Variants in PLEKHA5 observed in about 807,000 individuals in gnomAD.
PLEKHA5 encodes pleckstrin homology domain-containing family A member 5.
A neutral mutation model predicts 181.9 loss-of-function variants in PLEKHA5; 55 were observed. That is an observed-to-expected ratio of 0.30 (90% confidence interval 0.24 to 0.38). The LOEUF is 0.38. Among genes scored for constraint, PLEKHA5 ranks in the 10% least tolerant of loss-of-function variants. The pLI is 1.00. For missense variants in PLEKHA5, 1,432 were observed against 1,549.5 expected (o/e 0.92, Z 1.27); for synonymous variants, 535 against 529.4 (o/e 1.01, Z -0.15).
chr12:19,196,812 C>CTTT (rs3056387), intron 3 of PLEKHA5, among the ~76,000 whole-genome samples: 4 of 122,598 alleles, frequency 3.3e-5, no homozygotes, highest in African/African-American at 1.2e-4. Context: ...TTTTTTTTTT[C>CTTT]TTTTTTTTTT....
intron 8 of PLEKHA5, among the ~76,000 whole-genome samples, 168 bp from the exon 9 acceptor site, chr12:19,269,602 A>G (rs1167359093): frequency 2.6e-5 from 4 of 151,998 alleles, no homozygotes; most frequent in Non-Finnish European, 5.9e-5. Flanking sequence ...TTTCAAGTTA[A>G]TAGTTATATT....
In PLEKHA5 at chr12:19,286,123, G is replaced by A. The variant is rs533926414; in HGVS notation, c.1780-1350G>A. Among the ~76,000 whole-genome samples the A allele has an allele frequency of 3.9e-5, 6 of 152,292 alleles. No homozygotes were observed. The South Asian group carries it at 1.2e-3, about 32-fold the overall frequency. ...TGTATCTGCCACCCTGAACTTGACAGCTTTCCGGTGCTTAAAGATTGGCGG... is the reference window on the plus strand; with the variant it reads ...TGTATCTGCCACCCTGAACTTGACAACTTTCCGGTGCTTAAAGATTGGCGG... On this transcript the variant is annotated intron_variant, in intron 12 of 31. Coordinates refer to ENST00000429027, the MANE Select transcript of PLEKHA5 (RefSeq NM_001256470.2).
chr12:19,364,712 C>T (rs1033160436), intron 29 of PLEKHA5, among the ~76,000 whole-genome samples: 5 of 151,380 alleles, frequency 3.3e-5, no homozygotes, highest in Non-Finnish European at 5.9e-5. Context: ...CCCAGGCTGG[C>T]GTGCAGTGGC....
chr12:19,200,503 G>C, intron 3 of PLEKHA5: 1 of 1,357,184 alleles, frequency 7.4e-7, no homozygotes, highest in Non-Finnish European at 9.5e-7. Context: ...CATAACAAAT[G>C]TTCCAAATCT....
At chr12:19,291,007 C>CCTT (rs1228714462) in intron 14 of PLEKHA5, among the ~76,000 whole-genome samples, 10 of 150,726 alleles carry the variant, frequency 6.6e-5, no homozygotes, top group Non-Finnish European at 1.2e-4. Context: ...TTCTTCTTAG[C>CCTT]CTTCTACCCC....
chr12:19,358,050 A>C (rs567329789), intron 26 of PLEKHA5, among the ~76,000 whole-genome samples, 178 bp from the exon 27 acceptor site: 1 of 152,232 alleles, frequency 6.6e-6, no homozygotes, highest in Non-Finnish European at 1.5e-5. Context: ...ACCAATTACT[A>C]GTTAAGGATC....
chr12:19,330,650 C>T (rs1450555877), intron 20 of PLEKHA5, among the ~76,000 whole-genome samples: 1 of 152,018 alleles, frequency 6.6e-6, no homozygotes, highest in Non-Finnish European at 1.5e-5. Context: ...TCTCTACATC[C>T]TGAAGGTAAA....
chr12:19,235,667 G>A (rs976700705), intron 3 of PLEKHA5, among the ~76,000 whole-genome samples: 4 of 152,124 alleles, frequency 2.6e-5, no homozygotes, highest in African/African-American at 9.7e-5. Context: ...AAGGAGCTGG[G>A]CTTGAACTGG....
chr12:19,311,073 C>T lies in PLEKHA5; in HGVS notation c.2038-3741C>T, dbSNP rs191464964. On this transcript the variant is annotated intron_variant, in intron 15 of 31. Transcript: ENST00000429027. ...TTACATCAATTGACTCTTCTTTTCA[C>T]GAAAACATTTCTCTGTAGCATGCAG... is the stretch of plus-strand genomic sequence containing the variant. 3.5e-4 allele frequency among the ~76,000 whole-genome samples: 53 copies of T among 152,024 alleles called. No individual in the cohort carries two copies. The South Asian group carries it at 7.1e-3, about 20-fold the overall frequency.
intron 28 of PLEKHA5, among the ~76,000 whole-genome samples, 199 bp from the exon 29 acceptor site, chr12:19,361,383 C>A (rs11044516): frequency 6.6e-6 from 1 of 152,026 alleles, no homozygotes; most frequent in Non-Finnish European, 1.5e-5. Context: ...CAGTGTTTCA[C>A]CGTGTTAGCC....
At chr12:19,302,906 ATTTTTTTTT>A (rs34702332) in intron 15 of PLEKHA5, among the ~76,000 whole-genome samples, 4 of 53,994 alleles carry the variant, frequency 7.4e-5, no homozygotes, top group East Asian at 7.8e-4. Context: ...TCTGTATGAA[ATTTTTTTTT>A]TTTTTTTTTT....
intron 3 of PLEKHA5, among the ~76,000 whole-genome samples, chr12:19,134,351 T>C (rs1342050686): frequency 1.3e-5 from 2 of 152,092 alleles, no homozygotes; most frequent in Non-Finnish European, 2.9e-5. Flanking sequence ...TTTTTAAACT[T>C]GTAGGTTTTA....
chr12:19,329,988 G>C (rs1320720043), intron 20 of PLEKHA5, among the ~76,000 whole-genome samples: 1 of 151,928 alleles, frequency 6.6e-6, no homozygotes, highest in Non-Finnish European at 1.5e-5. Flanking sequence ...TACTCAGGAG[G>C]CTGAGGCAGC....
At chr12:19,347,547 A>G (rs1437918487) in intron 24 of PLEKHA5, among the ~76,000 whole-genome samples, 1 of 152,156 alleles carries the variant, frequency 6.6e-6, no homozygotes, top group African/African-American at 2.4e-5. Context: ...GACCGTTACT[A>G]GGGATGGTAA....
chr12:19,240,608 G>A (rs937191855), intron 3 of PLEKHA5, among the ~76,000 whole-genome samples: 1 of 149,788 alleles, frequency 6.7e-6, no homozygotes, highest in Non-Finnish European at 1.5e-5. Context: ...ACCTGGCTAA[G>A]TTTTAATATT....
At position 19,374,966 on chromosome 12, in the gene PLEKHA5, T is replaced by C. The variant is rs147538217; in HGVS notation, c.*12-565T>C. ...CAAGACTCCGTCTCCAAAATGATGATAATAATAATAATAATGAAGAGAAGG... is the reference window on the plus strand; with the variant it reads ...CAAGACTCCGTCTCCAAAATGATGACAATAATAATAATAATGAAGAGAAGG... On this transcript the variant is annotated intron_variant, in intron 31 of 31. Coordinates refer to ENST00000429027, the MANE Select transcript of PLEKHA5 (RefSeq NM_001256470.2). 6.4e-3 allele frequency among the ~76,000 whole-genome samples: 967 copies of C among 151,408 alleles called. 9 individuals carry two copies. The highest frequency in any genetic ancestry group is 0.022 in the African/African-American group (914 of 41,274).
In PLEKHA5 at chr12:19,228,548, C is replaced by T. The variant is rs1055685326; in HGVS notation, c.228-25392C>T. Among the ~76,000 whole-genome samples, 4 of 152,154 alleles carry T rather than the reference C, an allele frequency of 2.6e-5. No individual in the cohort carries two copies. In the South Asian group the frequency reaches 8.3e-4, roughly 32 times the overall value. On this transcript the variant is annotated intron_variant, in intron 3 of 31. Coordinates refer to ENST00000429027, the MANE Select transcript of PLEKHA5 (RefSeq NM_001256470.2). ...CTTGTAATGTTTTCATTTGTTTCATCGTAACAATTATATGAGGAAGATGTT... is the reference window on the plus strand; with the variant it reads ...CTTGTAATGTTTTCATTTGTTTCATTGTAACAATTATATGAGGAAGATGTT...
At chr12:19,213,293 C>A (rs2057328868) in intron 3 of PLEKHA5, among the ~76,000 whole-genome samples, 1 of 79,146 alleles carries the variant, frequency 1.3e-5, no homozygotes, top group Non-Finnish European at 3.2e-5. Context: ...ATTTGCTAAG[C>A]ATGGTTTCTT....
intron 3 of PLEKHA5, among the ~76,000 whole-genome samples, chr12:19,172,629 C>G (rs998433315): frequency 6.6e-6 from 1 of 152,204 alleles, no homozygotes; most frequent in African/African-American, 2.4e-5. Flanking sequence ...ATGGAGACAA[C>G]TGTTTGCTTG....
Sources: allele counts gnomAD v4.1 joint callset (sites outside exome capture counted in the v4.1 genomes callset), GRCh38; gene constraint gnomAD v4.1.1; transcripts MANE v1.5; gene names NCBI Gene and HGNC (gene_info 2026-07-23, HGNC 2026-07-21).